Variants in JPH1 observed in about 807,000 individuals in gnomAD.
JPH1 encodes junctophilin-1.
Under a neutral mutation model 53.6 loss-of-function variants are expected in JPH1, and 12 were observed. That is an observed-to-expected ratio of 0.22 (90% CI 0.14 to 0.36). The LOEUF (loss-of-function observed/expected upper bound fraction) is 0.36. Ranked by LOEUF, JPH1 falls within the 10% of genes least tolerant of loss-of-function variation. The pLI is 1.00. For missense variants in JPH1, 808 were observed against 905.5 expected (o/e 0.89, Z 1.38); for synonymous variants, 375 against 363.8 (o/e 1.03, Z -0.35).
At chr8:74,294,186 G>T (rs921734397) in intron 2 of JPH1, among the ~76,000 whole-genome samples, 1 of 152,164 alleles carries the variant, frequency 6.6e-6, no homozygotes, top group Non-Finnish European at 1.5e-5. Context: ...CTAGGGCCTG[G>T]GGACTTCTCT....
At chr8:74,284,173 A>T (rs2131423033) in intron 2 of JPH1, among the ~76,000 whole-genome samples, 2 of 152,368 alleles carry the variant, frequency 1.3e-5, no homozygotes, top group East Asian at 3.9e-4. Context: ...CACTAAAAAT[A>T]AGTATGCTTA....
At chr8:74,296,727 C>G (rs2131440774) in intron 2 of JPH1, among the ~76,000 whole-genome samples, 1 of 152,218 alleles carries the variant, frequency 6.6e-6, no homozygotes, top group African/African-American at 2.4e-5. Context: ...TCCCTCTTCC[C>G]TTTCTCAACT....
rs1454772968 is a variant in JPH1 at position 74,320,333 on chromosome 8, C to T, written c.379+576G>A. Among the ~76,000 whole-genome samples the T allele has an allele frequency of 6.6e-6, 1 of 152,166 alleles. No homozygotes were observed. Among genetic ancestry groups the T allele is most frequent in the Non-Finnish European group, 1.5e-5 (1 of 68,030 alleles). On this transcript the variant is annotated intron_variant, in intron 1 of 5. Transcript: ENST00000342232. This position sits in a 1 kb window ranked among gnomAD's most constrained non-coding sequence, Gnocchi z 4.4. ...CCCATAACTAGGACGTTTCCAAATG[C>T]ACCCCCAAATAAGGTACAATTCCCC...
chr8:74,318,087 T>C (rs1373004721), intron 1 of JPH1, among the ~76,000 whole-genome samples: 5 of 152,166 alleles, frequency 3.3e-5, no homozygotes, highest in Non-Finnish European at 7.4e-5. Flanking sequence ...TAAAATAGGT[T>C]TAGTTTAGTC....
intron 1 of JPH1, among the ~76,000 whole-genome samples, chr8:74,316,030 T>C (rs952549710): frequency 6.6e-6 from 1 of 152,238 alleles, no homozygotes; most frequent in Non-Finnish European, 1.5e-5. Context: ...CTAATATTAC[T>C]AATTTAGCTG....
intron 3 of JPH1, among the ~76,000 whole-genome samples, chr8:74,253,030 C>T (rs985886417): frequency 7.2e-5 from 11 of 152,092 alleles, no homozygotes; most frequent in South Asian, 6.2e-4. Context: ...CTCAGCTCTG[C>T]ACCAAGCAGA....
intron 4 of JPH1, among the ~76,000 whole-genome samples, chr8:74,238,226 G>C (rs1805593428): frequency 6.6e-6 from 1 of 152,108 alleles, no homozygotes; most frequent in Admixed American, 6.6e-5. Context: ...TACTCCATTT[G>C]GATACTGGGT....
intron 3 of JPH1, among the ~76,000 whole-genome samples, chr8:74,249,924 T>C (rs10504564): frequency 0.076 from 11,537 of 152,228 alleles, 1,355 homozygotes; most frequent in African/African-American, 0.25. Flanking sequence ...CTTAAACATG[T>C]GAAGACAAAG....
chr8:74,278,020 AT>A (rs1035596870), intron 2 of JPH1, among the ~76,000 whole-genome samples: 29 of 152,280 alleles, frequency 1.9e-4, no homozygotes, highest in African/African-American at 6.7e-4. Context: ...ATAAAATCCT[AT>A]TTCCCATTTC....
intron 2 of JPH1, among the ~76,000 whole-genome samples, chr8:74,277,029 T>TA (rs371382776): frequency 2.6e-5 from 4 of 152,332 alleles, no homozygotes; most frequent in African/African-American, 9.6e-5. Flanking sequence ...ATAAAAAACT[T>TA]ACGAAGTTTC....
rs1372344479 is a variant in JPH1 at position 74,320,515 on chromosome 8, T to C, written c.379+394A>G. Among the ~76,000 whole-genome samples the C allele has an allele frequency of 6.6e-6, 1 of 152,038 alleles. No homozygotes were observed. Among genetic ancestry groups the C allele is most frequent in the African/African-American group, 2.4e-5 (1 of 41,384 alleles). The stretch of plus-strand genomic sequence containing the variant: ...CGCTCTAACTCCACGGGAGTGGCGA[T>C]TTCAAACCCGGCCGGGAGAGGGAGG... On this transcript the variant is annotated intron_variant, in intron 1 of 5. Coordinates refer to ENST00000342232, the MANE Select transcript of JPH1 (RefSeq NM_020647.4). The surrounding 1 kb of genome is among the most constrained non-coding windows in gnomAD (Gnocchi z 4.4).
intron 2 of JPH1, among the ~76,000 whole-genome samples, chr8:74,289,600 G>C (rs1035871173): frequency 1.3e-5 from 2 of 152,008 alleles, no homozygotes; most frequent in African/African-American, 2.4e-5. Context: ...CTAAATCCTT[G>C]TCATGGTTCA....
intron 3 of JPH1, among the ~76,000 whole-genome samples, chr8:74,253,038 A>G (rs1426346137): frequency 6.6e-6 from 1 of 152,054 alleles, no homozygotes; most frequent in East Asian, 1.9e-4. Flanking sequence ...TGCACCAAGC[A>G]GATCTAATAG....
At chr8:74,300,003 C>T (rs889054110) in intron 2 of JPH1, among the ~76,000 whole-genome samples, 5 of 152,196 alleles carry the variant, frequency 3.3e-5, no homozygotes, top group East Asian at 3.8e-4. Flanking sequence ...TTTTCACTTA[C>T]GGAATTAAAC....
intron 3 of JPH1, among the ~76,000 whole-genome samples, chr8:74,252,816 G>A (rs1324297595): frequency 4.6e-5 from 7 of 152,080 alleles, no homozygotes; most frequent in Admixed American, 4.6e-4. Context: ...TAATGGTAAA[G>A]GGATCAATTC....
intron 2 of JPH1, among the ~76,000 whole-genome samples, chr8:74,273,935 A>AT (rs1806775354): frequency 6.6e-6 from 1 of 151,982 alleles, no homozygotes; most frequent in Admixed American, 6.6e-5. Flanking sequence ...TCAAAAGCCC[A>AT]TTTTTCCCGT....
chr8:74,320,840 C>G lies in JPH1; in HGVS notation c.379+69G>C, dbSNP rs1808297404. The stretch of plus-strand genomic sequence containing the variant: ...CGTGCGCCCGGCGTCCTCCCCGCTT[C>G]CCCGCAGCCGGGGCAGAGCCCACCG... On this transcript the variant is annotated intron_variant, in intron 1 of 5. Transcript: ENST00000342232. This position sits in a 1 kb window ranked among gnomAD's most constrained non-coding sequence, Gnocchi z 4.4. 1.4e-6 allele frequency: 2 copies of G among 1,420,998 alleles called. No individual in the cohort carries two copies. The highest frequency in any genetic ancestry group is 5.6e-5 in the East Asian group (2 of 35,524). The allele number at this position is 1,420,998 out of a possible 1,614,324, so 88.0% of individuals were successfully genotyped here.
chr8:74,246,583 G>C (rs1448451093), intron 3 of JPH1, among the ~76,000 whole-genome samples: 1 of 125,610 alleles, frequency 8.0e-6, no homozygotes, highest in Non-Finnish European at 1.6e-5. Context: ...TACTGAAAGG[G>C]AAACAGCTAT....
rs932431349 is a variant in JPH1, at chr8:74,263,729, T to G, written c.1140-4226A>C. Among the ~76,000 whole-genome samples, 12 of 152,378 alleles carry G rather than the reference T, an allele frequency of 7.9e-5. 1 individual carries two copies. In the South Asian group the frequency reaches 2.3e-3, roughly 29 times the overall value. ...ACTTCGATCCTCCTCTCTGCCATTT[T>G]ATTTCCTTCCACATTGTCTTGAAAG... On this transcript the variant is annotated intron_variant, in intron 2 of 5. Coordinates refer to ENST00000342232, the MANE Select transcript of JPH1 (RefSeq NM_020647.4).
Sources: allele counts gnomAD v4.1 joint callset (sites outside exome capture counted in the v4.1 genomes callset), GRCh38; gene constraint gnomAD v4.1.1; non-coding constraint Gnocchi (gnomAD v3.1); transcripts MANE v1.5; gene names NCBI Gene and HGNC (gene_info 2026-07-23, HGNC 2026-07-21).